TENM2: variants seen among roughly 807,000 people sequenced by gnomAD.
The protein encoded by TENM2 is teneurin transmembrane protein 2.
In TENM2, 52 loss-of-function variants were observed where a neutral mutation model predicts 245.2. The ratio of observed to expected loss-of-function variants is 0.21; its 90% confidence interval spans 0.17 to 0.27. The LOEUF is 0.27. Ranked by LOEUF, TENM2 falls within the 10% of genes least tolerant of loss-of-function variation. TENM2 has a pLI of 1.00. For missense variants in TENM2, 3,046 were observed against 3,666.8 expected, an observed-to-expected ratio of 0.83 and a Z score of 4.37; for synonymous variants, 1,363 against 1,438.9, an observed-to-expected ratio of 0.95 and a Z score of 1.19.
At chr5:167,107,301 A>G in the TENM2 span, among the ~76,000 whole-genome samples, 1 of 151,422 alleles carries the variant, frequency 6.6e-6, no homozygotes, top group Non-Finnish European at 1.5e-5. Context: ...GGAAGGGAAG[A>G]AAAAGAAAGA....
intron 2 of TENM2, among the ~76,000 whole-genome samples, chr5:167,596,466 A>G (rs974341178): frequency 1.3e-5 from 2 of 152,166 alleles, no homozygotes; most frequent in Admixed American, 1.3e-4. Flanking sequence ...TTGTTTCATC[A>G]GTGAATTTTC....
intron 3 of TENM2, among the ~76,000 whole-genome samples, chr5:167,897,156 G>A (rs545613739): frequency 6.6e-6 from 1 of 152,168 alleles, no homozygotes; most frequent in Non-Finnish European, 1.5e-5. Flanking sequence ...ATATGAGTAA[G>A]GGCTGACTGA....
In TENM2 at chr5:167,633,098, C is replaced by T. The variant is rs1056416803; in HGVS notation, c.503-242888C>T. Among the ~76,000 whole-genome samples, 7 of 152,216 alleles carry T rather than the reference C, an allele frequency of 4.6e-5. No homozygotes were observed. In the South Asian group the frequency reaches 1.5e-3, roughly 32 times the overall value. On this transcript the variant is annotated intron_variant, in intron 2 of 28. Transcript: ENST00000518659. ...TGGATGTTTTGAGTTTGAAGTATTG[C>T]TGATATATCTATATGGAGATGTCTG...
intron 5 of TENM2, among the ~76,000 whole-genome samples, chr5:168,039,174 C>A (rs1269100462): frequency 6.6e-6 from 1 of 152,216 alleles, no homozygotes; most frequent in Admixed American, 6.5e-5. Flanking sequence ...GATATGACAT[C>A]TTATCCTCTA....
intron 27 of TENM2, among the ~76,000 whole-genome samples, chr5:168,253,077 C>T (rs968437721): frequency 1.3e-5 from 2 of 151,694 alleles, no homozygotes; most frequent in Admixed American, 6.6e-5. Flanking sequence ...AGCGATTCTC[C>T]TGCCTCAGCC....
At chr5:167,326,227 G>A (rs1425983664) in intron 1 of TENM2, among the ~76,000 whole-genome samples, 2 of 152,108 alleles carry the variant, frequency 1.3e-5, no homozygotes, top group Non-Finnish European at 1.5e-5. Flanking sequence ...AGGAAAGCAG[G>A]ATATATTTGA....
At chr5:167,470,316 C>T (rs1204459651) in intron 2 of TENM2, among the ~76,000 whole-genome samples, 1 of 151,968 alleles carries the variant, frequency 6.6e-6, no homozygotes, top group Non-Finnish European at 1.5e-5. Context: ...TTTGTGACTC[C>T]AGTTCAATTA....
intron 2 of TENM2, among the ~76,000 whole-genome samples, chr5:167,829,994 C>T (rs1029120604): frequency 3.3e-5 from 5 of 152,340 alleles, no homozygotes; most frequent in Admixed American, 2.6e-4. Flanking sequence ...CTCCTCTTGC[C>T]AAGAATTGCC....
chr5:167,150,182 C>T, the TENM2 span, among the ~76,000 whole-genome samples: 22 of 152,164 alleles, frequency 1.4e-4, no homozygotes, highest in Non-Finnish European at 1.5e-5. Context: ...CTTCTGCTTA[C>T]TCTATGGCCT....
chr5:167,424,029 A>G (rs1478439499), intron 2 of TENM2, among the ~76,000 whole-genome samples: 1 of 152,138 alleles, frequency 6.6e-6, no homozygotes, highest in Non-Finnish European at 1.5e-5. Context: ...GTCAACTGAA[A>G]CTATTTCTTT....
the TENM2 span, among the ~76,000 whole-genome samples, chr5:167,184,769 G>A: frequency 6.6e-6 from 1 of 152,114 alleles, no homozygotes; most frequent in East Asian, 1.9e-4. Context: ...ACCTTTTGGT[G>A]ACTTCTGCCA....
the TENM2 span, among the ~76,000 whole-genome samples, chr5:167,275,436 A>G: frequency 2.0e-5 from 3 of 152,276 alleles, no homozygotes; most frequent in South Asian, 2.1e-4. Flanking sequence ...TTCAATCTGT[A>G]TAACAATTTG....
chr5:167,972,020 C>A, intron 4 of TENM2, among the ~76,000 whole-genome samples: 1 of 152,230 alleles, frequency 6.6e-6, no homozygotes, highest in Non-Finnish European at 1.5e-5. Flanking sequence ...GCCTACTTAT[C>A]CCACACAGAA....
the TENM2 span, among the ~76,000 whole-genome samples, chr5:166,979,642 T>C: frequency 6.6e-6 from 1 of 152,222 alleles, no homozygotes; most frequent in Admixed American, 6.5e-5. Flanking sequence ...GCTGCAGTTC[T>C]CTTTCTCTCC....
chr5:168,144,328 C>T (rs1016545289), intron 12 of TENM2, among the ~76,000 whole-genome samples: 6 of 152,064 alleles, frequency 3.9e-5, no homozygotes, highest in African/African-American at 7.2e-5. Context: ...TATCCCTCCC[C>T]CCTACCCCCA....
chr5:167,853,289 C>CAAAAAAAAAAAAAAAAAAAAAAA lies in TENM2; in HGVS notation c.503-22696_503-22674dup, dbSNP rs777170514. On this transcript the variant is annotated intron_variant, in intron 2 of 28. Coordinates refer to ENST00000518659, the Ensembl canonical transcript of TENM2. ...TGGGAGACAGAGCGAGACTCCGTCT[C>CAAAAAAAAAAAAAAAAAAAAAAA]AAAAAAAAAAAAAAAAAAAAAAAGA... Among the ~76,000 whole-genome samples the CAAAAAAAAAAAAAAAAAAAAAAA allele has an allele frequency of 5.7e-4, 14 of 24,612 alleles. 1 individual carries two copies. The highest frequency in any genetic ancestry group is 1.2e-3 in the Admixed American group (2 of 1,646). The allele number at this position is 24,612 out of a possible 152,430, so 16.1% of individuals were successfully genotyped here. A position where few individuals can be genotyped will look rare whatever the true frequency, so the allele number is the denominator to read the frequency against.
At chr5:166,994,088 C>T in the TENM2 span, among the ~76,000 whole-genome samples, 1 of 152,274 alleles carries the variant, frequency 6.6e-6, no homozygotes, top group Admixed American at 6.5e-5. Context: ...ACCTACACAG[C>T]TGTGTTACAT....
rs1039947670 is a variant in TENM2, at chr5:168,132,278, T to C, written c.2422+5312T>C. On this transcript the variant is annotated intron_variant, in intron 12 of 28. Coordinates refer to ENST00000518659, the Ensembl canonical transcript of TENM2. ...ATCACTGGAAGCATTTGCTTTCTTGTCCTAGACGTTGAAGGGCTTTCAGCA... is the reference window on the plus strand; with the variant it reads ...ATCACTGGAAGCATTTGCTTTCTTGCCCTAGACGTTGAAGGGCTTTCAGCA... 2.0e-5 allele frequency among the ~76,000 whole-genome samples: 3 copies of C among 152,214 alleles called. No individual in the cohort carries two copies. In the South Asian group the frequency reaches 6.2e-4, roughly 32 times the overall value.
At chr5:167,147,757 G>A in the TENM2 span, among the ~76,000 whole-genome samples, 2 of 152,072 alleles carry the variant, frequency 1.3e-5, no homozygotes, top group Non-Finnish European at 2.9e-5. Context: ...CTACCTTGAT[G>A]GAGCATCTAG....
Sources: gnomAD v4.1 joint callset for allele counts (sites outside exome capture counted in the v4.1 genomes callset) on GRCh38, gnomAD v4.1.1 for gene constraint, MANE v1.5 for transcripts, NCBI Gene and HGNC (gene_info 2026-07-23, HGNC 2026-07-21) for gene names.